The following DNHD1 variants were observed in gnomAD, a reference collection of about 807,000 sequenced individuals.
DNHD1 encodes the protein dynein heavy chain domain 1, also known as dynein heavy chain domain-containing protein 1.
Under a neutral mutation model 458.1 loss-of-function variants are expected in DNHD1, and 383 were observed. The observed-to-expected ratio is 0.84, with a 90% CI of 0.77 to 0.91. The LOEUF (loss-of-function observed/expected upper bound fraction) is 0.91. DNHD1 is among the 40% of genes least tolerant of loss of function. The probability of loss-of-function intolerance (pLI) is 0.00; values close to 1 mark genes in which losing one functional copy is unlikely to be tolerated. For synonymous variants in DNHD1, 2,203 were observed against 2,376.9 expected, an observed-to-expected ratio of 0.93 and a Z score of 2.13; for missense variants, 5,336 against 5,866.1, an observed-to-expected ratio of 0.91 and a Z score of 2.95.
In DNHD1 at chr11:6,544,588, G is replaced by A. The variant is rs1186495835; in HGVS notation, c.3769G>A (p.Val1257Met). The A allele has an allele frequency of 1.3e-6, 2 of 1,551,338 alleles. No individual in the cohort carries two copies. The highest frequency in any genetic ancestry group is 1.7e-6 in the Non-Finnish European group (2 of 1,146,886). ...IMHGLGALLE[V>M]WLTFQQKWIF... ...TGCTTACACAGGTGCCCTGCTGGAG[G>A]TGTGGCTGACTTTCCAGCAGAAGTG... Residue 1257 changes from valine (V) to methionine (M), a missense_variant, in exon 20 of 43, where the codon GTG (valine) becomes ATG (methionine). Transcript: ENST00000254579.
In DNHD1 at chr11:6,538,826, G is replaced by A. The variant is rs1853025528; in HGVS notation, c.3325+16G>A. 1.3e-6 allele frequency: 2 copies of A among 1,481,688 alleles called. No individual in the cohort carries two copies. The highest frequency in any genetic ancestry group is 2.3e-5 in the Admixed American group (1 of 43,840). 91.8% of individuals were successfully genotyped at this position (1,481,688 alleles called of 1,614,324 possible). A position where few individuals can be genotyped will look rare whatever the true frequency, so the allele number is the denominator to read the frequency against. ...CTCCTGCGTGGTATGTTTGGTTAATGTCAGAGGAGGGGGAAAGGGAAATAT... is the reference window on the plus strand; with the variant it reads ...CTCCTGCGTGGTATGTTTGGTTAATATCAGAGGAGGGGGAAAGGGAAATAT... On this transcript the variant is annotated intron_variant, in intron 16 of 42. Coordinates refer to ENST00000254579, the MANE Select transcript of DNHD1 (RefSeq NM_144666.3).
rs754762869 is a variant in DNHD1 at position 6,547,948 on chromosome 11, C to T, written c.6813C>T (p.Asp2271=). The part of the protein sequence containing the change: ...SFLNRSQVDS[D]DVPDKCREHL... ...TAAACCGGTCCCAGGTTGACAGTGA[C>T]GATGTGCCAGATAAGTGCAGGGAAC... is the stretch of plus-strand genomic sequence containing the variant. The change falls in exon 22 of 43, where the codon GAC becomes GAT. Residue 2271 remains aspartate, a synonymous_variant. Coordinates refer to ENST00000254579, the MANE Select transcript of DNHD1 (RefSeq NM_144666.3). 33 of 1,551,746 alleles carry T rather than the reference C, an allele frequency of 2.1e-5. No individual in the cohort carries two copies. The Admixed American group carries it at 2.7e-4, about 13-fold the overall frequency.
chr11:6,569,006 C>T (rs1157516686), intron 39 of DNHD1, 140 bp downstream of exon 39: 3 of 1,073,312 alleles, frequency 2.8e-6, no homozygotes, highest in South Asian at 3.3e-5. Flanking sequence ...GAAGGCTTCT[C>T]CAAAGACTTT....
At chr11:6,544,458 C>A (rs1360923880) in intron 19 of DNHD1, 116 bp from the exon 20 acceptor site, 3 of 1,029,120 alleles carry the variant, frequency 2.9e-6, no homozygotes, top group Non-Finnish European at 4.2e-6. Flanking sequence ...TCCTGCTGGG[C>A]AGAGTATTTT....
chr11:6,531,681 TTTC>T (rs1420761184), intron 12 of DNHD1, among the ~76,000 whole-genome samples: 1 of 152,132 alleles, frequency 6.6e-6, no homozygotes, highest in African/African-American at 2.4e-5. Flanking sequence ...CTCAGCAGGT[TTTC>T]TTATTATCAG....
chr11:6,510,643 C>G (rs1852319158), intron 6 of DNHD1, among the ~76,000 whole-genome samples: 1 of 152,144 alleles, frequency 6.6e-6, no homozygotes, highest in Non-Finnish European at 1.5e-5. Context: ...ATAAAGATTT[C>G]TAGATTTAAT....
chr11:6,502,800 G>T lies in DNHD1; in HGVS notation c.794G>T (p.Ser265Ile), dbSNP rs369158056. Residue 265 changes from serine (S) to isoleucine (I), a missense_variant, in exon 4 of 43, where the codon AGC (serine) becomes ATC (isoleucine). By Grantham distance (142) the Ser-to-Ile change is moderately radical (BLOSUM62 -2). Transcript: ENST00000254579. ...EVPREKAFQK[S>I]STGFSPETSF... ...CCCAGGGAAAAGGCCTTCCAAAAGAGCAGCACCGGCTTTTCACCTGAGACT... is the reference window on the plus strand; with the variant it reads ...CCCAGGGAAAAGGCCTTCCAAAAGATCAGCACCGGCTTTTCACCTGAGACT... The T allele has an allele frequency of 6.2e-7, 1 of 1,611,934 alleles. No homozygotes were observed. Among genetic ancestry groups the T allele is most frequent in the Admixed American group, 1.7e-5 (1 of 59,558 alleles).
chr11:6,509,391 A>G (rs1852293306), intron 6 of DNHD1, 119 bp downstream of exon 6: 2 of 831,302 alleles, frequency 2.4e-6, no homozygotes, highest in South Asian at 1.8e-5. Context: ...AAAACCTTTA[A>G]TCCTACCAAC....
chr11:6,528,568 G>C lies in DNHD1; in HGVS notation c.1884G>C (p.Lys628Asn), dbSNP rs531288096. The change falls in exon 11 of 43, where the codon AAG becomes AAC. Residue 628 changes from lysine to asparagine, a missense_variant. Transcript: ENST00000254579. ...EDSKDEFLMP[K>N]FQGQPSDAVS... The stretch of plus-strand genomic sequence containing the variant: ...CAAAAGACGAATTTCTGATGCCCAA[G>C]TTCCAGGGCCAGCCCAGCGATGCTG... 2 of 1,551,226 alleles carry C rather than the reference G, an allele frequency of 1.3e-6. No individual in the cohort carries two copies. The highest frequency in any genetic ancestry group is 2.7e-5 in the African/African-American group (2 of 73,174).
chr11:6,547,508 T>G lies in DNHD1; in HGVS notation c.6569T>G (p.Leu2190Trp). The change falls in exon 21 of 43, where the codon TTG becomes TGG. Residue 2190 changes from leucine to tryptophan, a missense_variant. By Grantham distance (61) the Leu-to-Trp change is moderately conservative. Coordinates refer to ENST00000254579, the MANE Select transcript of DNHD1 (RefSeq NM_144666.3). ...HMAEVLVPAT[L>W]RFLTCQGVSS... The stretch of plus-strand genomic sequence containing the variant: ...GCTGAGGTTCTGGTGCCTGCAACAT[T>G]GCGATTCCTCACCTGCCAAGGTGTC... 6.4e-7 allele frequency: 1 copy of G among 1,550,928 alleles called. No individual in the cohort carries two copies. The highest frequency in any genetic ancestry group is 8.7e-7 in the Non-Finnish European group (1 of 1,146,324).
chr11:6,566,003 T>TGGGC lies in DNHD1; in HGVS notation c.11053+12_11053+13insGGGC. 4.6e-6 allele frequency: 7 copies of TGGGC among 1,508,572 alleles called. No individual in the cohort carries two copies. The highest frequency in any genetic ancestry group is 5.4e-6 in the Non-Finnish European group (6 of 1,110,326). The allele number at this position is 1,508,572 out of a possible 1,614,324, so 93.4% of individuals were successfully genotyped here. A position where few individuals can be genotyped will look rare whatever the true frequency, so the allele number is the denominator to read the frequency against. On this transcript the variant is annotated intron_variant, in intron 33 of 42. Transcript: ENST00000254579. ...GGCAGCTGCTTGTGGTGAGAGCTGG[T>TGGGC]CCCCACCCACCCTGGCCCCTTTTTG...
At chr11:6,561,287 G>A (rs758189330) in intron 28 of DNHD1, among the ~76,000 whole-genome samples, 1 of 152,118 alleles carries the variant, frequency 6.6e-6, no homozygotes, top group Admixed American at 6.5e-5. Context: ...AATTACTCAG[G>A]CATGGTAGCA....
At chr11:6,512,513 C>T (rs529521799) in intron 7 of DNHD1, among the ~76,000 whole-genome samples, 18 of 151,998 alleles carry the variant, frequency 1.2e-4, no homozygotes, top group South Asian at 4.2e-4. Flanking sequence ...TGAACCACCG[C>T]GCCTGGCCGA....
chr11:6,552,580 G>A (rs1309870304), intron 24 of DNHD1, among the ~76,000 whole-genome samples: 1 of 151,704 alleles, frequency 6.6e-6, no homozygotes, highest in Non-Finnish European at 1.5e-5. Context: ...CATGGATGGG[G>A]AGCCCTCAGG....
rs199857681 is a variant in DNHD1, at chr11:6,570,990, G to A, written c.13478G>A (p.Ser4493Asn). 1.7e-4 allele frequency: 280 copies of A among 1,602,534 alleles called. No individual in the cohort carries two copies. The highest frequency in any genetic ancestry group is 2.2e-4 in the Non-Finnish European group (261 of 1,171,558). ...GVLETEALEL[S>N]QLVGTLQRDL... ...TTAGAGACCGAGGCTCTAGAACTGA[G>A]CCAGTTGGTGGGCACGCTACAACGC... The change falls in exon 42 of 43, where the codon AGC becomes AAC. Residue 4493 changes from serine to asparagine, a missense_variant. Ser to Asn is a conservative substitution (Grantham distance 46). This residue lies in a region of DNHD1 where 698 missense variants were observed against 664.9 expected (regional missense o/e 1.05). Coordinates refer to ENST00000254579, the MANE Select transcript of DNHD1 (RefSeq NM_144666.3).
In DNHD1 at chr11:6,564,101, C is replaced by A. The variant is rs559065992; in HGVS notation, c.10261C>A (p.Arg3421Ser). 2 of 1,550,986 alleles carry A rather than the reference C, an allele frequency of 1.3e-6. No individual in the cohort carries two copies. The highest frequency in any genetic ancestry group is 3.9e-5 in the Admixed American group (2 of 50,992). The change falls in exon 31 of 43, where the codon CGT (arginine) becomes AGT (serine). Residue 3421 changes from arginine (R) to serine (S), a missense_variant. This residue lies in a region of DNHD1 where 3,932 missense variants were observed against 4,365.6 expected (regional missense o/e 0.90). Transcript: ENST00000254579. Reference protein sequence around the residue: ...PMKAALLTPMRAWTTQLQKLK... With the variant: ...PMKAALLTPMSAWTTQLQKLK... ...GAAGGCTGCACTGCTCACGCCTATG[C>A]GTGCCTGGACTACACAGCTCCAGGT...
intron 12 of DNHD1, among the ~76,000 whole-genome samples, chr11:6,530,260 T>A (rs577465372): frequency 1.4e-4 from 22 of 152,320 alleles, no homozygotes; most frequent in African/African-American, 4.8e-4. Context: ...TTCCCTCCTC[T>A]TGCCACTTCT....
chr11:6,565,949 G>A lies in DNHD1; in HGVS notation c.11011G>A (p.Asp3671Asn), dbSNP rs1040654182. The A allele has an allele frequency of 2.6e-6, 4 of 1,551,630 alleles. No homozygotes were observed. The highest frequency in any genetic ancestry group is 2.4e-5 in the East Asian group (1 of 40,928). ...CTACCTTAGTGTTCTTTCAGGTGCT[G>A]ACCCAGAGCTGGGTTCTCAGCTCCA... is the stretch of plus-strand genomic sequence containing the variant. ...LPYLSVLSGADPELGSQLQEA... is the reference protein window; with the variant it reads ...LPYLSVLSGANPELGSQLQEA... The change falls in exon 33 of 43, where the codon GAC (aspartate) becomes AAC (asparagine). Residue 3671 changes from aspartate (D) to asparagine (N), a missense_variant. Coordinates refer to ENST00000254579, the MANE Select transcript of DNHD1 (RefSeq NM_144666.3).
intron 7 of DNHD1, among the ~76,000 whole-genome samples, chr11:6,516,577 T>C (rs547406764): frequency 2.6e-5 from 4 of 151,902 alleles, no homozygotes; most frequent in Non-Finnish European, 5.9e-5. Context: ...GGATTACAAG[T>C]GTTAGCCACC....
Sources: allele counts gnomAD v4.1 joint callset (sites outside exome capture counted in the v4.1 genomes callset), GRCh38; gene constraint gnomAD v4.1.1; regional missense constraint gnomAD v4.1.1; transcripts MANE v1.5; gene names NCBI Gene and HGNC (gene_info 2026-07-23, HGNC 2026-07-21).